Variants in PHACTR2 observed in about 807,000 individuals in gnomAD.
PHACTR2 encodes chromosome 6 open reading frame 56.
PHACTR2 carries 30 observed loss-of-function variants against 76.0 expected under a neutral mutation model. That is an observed-to-expected ratio of 0.39 (90% CI 0.30 to 0.54). The LOEUF (loss-of-function observed/expected upper bound fraction) is 0.54. Among genes scored for constraint, PHACTR2 ranks in the 20% least tolerant of loss-of-function variants. PHACTR2 has a pLI of 0.61. For synonymous variants in PHACTR2, 292 were observed against 292.5 expected (o/e 1.00, Z 0.02); for missense variants, 696 against 781.1 (o/e 0.89, Z 1.30).
In PHACTR2 at chr6:143,550,193, A is replaced by G. The variant is rs546464782; in HGVS notation, c.217+12986A>G. 6.6e-6 allele frequency among the ~76,000 whole-genome samples: 1 copy of G among 152,130 alleles called. No individual in the cohort carries two copies. The highest frequency in any genetic ancestry group is 2.1e-4 in the South Asian group (1 of 4,818). Reference sequence around the variant, plus strand: ...TAGACTTTCTCATACACATTCTAACATAGGAATCACCCGGGGATCTTGTTG... The same window carrying G: ...TAGACTTTCTCATACACATTCTAACGTAGGAATCACCCGGGGATCTTGTTG... On this transcript the variant is annotated intron_variant, in intron 1 of 11. Coordinates refer to the PHACTR2 transcript ENST00000367584. This position sits in a 1 kb window ranked among gnomAD's most constrained non-coding sequence, Gnocchi z 4.8.
In PHACTR2 at chr6:143,646,108, A is replaced by G. The variant is rs1054400206; in HGVS notation, c.13+37786A>G. 6.6e-6 allele frequency among the ~76,000 whole-genome samples: 1 copy of G among 152,172 alleles called. No homozygotes were observed. The highest frequency in any genetic ancestry group is 1.5e-5 in the Non-Finnish European group (1 of 68,014). ...TTTTTAATATTTTACATCAAAATGT[A>G]TATTCTCCAGTCCTTAAACAGGCAT... On this transcript the variant is annotated intron_variant, in intron 1 of 11. Transcript: ENST00000305766. The surrounding 1 kb of genome is among the most constrained non-coding windows in gnomAD (Gnocchi z 4.1).
chr6:143,665,373 A>G (rs769846573), intron 1 of PHACTR2, among the ~76,000 whole-genome samples: 3 of 152,114 alleles, frequency 2.0e-5, no homozygotes, highest in Non-Finnish European at 4.4e-5. Flanking sequence ...TTAGGTATAC[A>G]TTGATTTGTT....
rs527450814 is a variant in PHACTR2, at chr6:143,688,077, T to C, written c.46+9868T>C. Among the ~76,000 whole-genome samples the C allele has an allele frequency of 2.1e-4, 32 of 151,534 alleles. No individual in the cohort carries two copies. Among genetic ancestry groups the C allele is most frequent in the Non-Finnish European group, 3.8e-4 (26 of 67,954 alleles). ...ATATGTAGAGAATTGTAGGACTAGA[T>C]CAGGAGGCAAAACACATAATGGGGA... On this transcript the variant is annotated intron_variant, in intron 1 of 12. Coordinates refer to ENST00000440869, the MANE Select transcript of PHACTR2 (RefSeq NM_001100164.2). This position sits in a 1 kb window ranked among gnomAD's most constrained non-coding sequence, Gnocchi z 5.2.
intron 9 of PHACTR2, among the ~76,000 whole-genome samples, chr6:143,779,896 GTATTTATATTA>G: frequency 8.9e-6 from 1 of 111,952 alleles, no homozygotes; most frequent in Non-Finnish European, 1.8e-5. Flanking sequence ...TTACATATAC[GTATTTATATTA>G]TATTATATTA....
chr6:143,695,017 G>A lies in PHACTR2; in HGVS notation c.46+16808G>A, dbSNP rs759654849. Among the ~76,000 whole-genome samples, 1 of 152,170 alleles carries A rather than the reference G, an allele frequency of 6.6e-6. No individual in the cohort carries two copies. The highest frequency in any genetic ancestry group is 2.4e-5 in the African/African-American group (1 of 41,424). On this transcript the variant is annotated intron_variant, in intron 1 of 12. Transcript: ENST00000440869. The surrounding 1 kb of genome is among the most constrained non-coding windows in gnomAD (Gnocchi z 4.4). ...GAAAAAGGTCCCTCAAGCTGGTTAA[G>A]CACACAAATAAGAATTGGGTGCATC...
At chr6:143,569,463 C>T (rs1395914867) in intron 1 of PHACTR2, among the ~76,000 whole-genome samples, 2 of 152,174 alleles carry the variant, frequency 1.3e-5, no homozygotes, top group African/African-American at 4.8e-5. Context: ...GACAGTGGCA[C>T]AATTGTGTTT....
chr6:143,722,473 A>T lies in PHACTR2; in HGVS notation c.214+10290A>T, dbSNP rs9484802. On this transcript the variant is annotated intron_variant, in intron 2 of 12. Coordinates refer to ENST00000440869, the MANE Select transcript of PHACTR2 (RefSeq NM_001100164.2). The surrounding 1 kb of genome is among the most constrained non-coding windows in gnomAD (Gnocchi z 4.1). ...TCTTGGCATGTCATTTTTTTCTTAA[A>T]TTTTTTTATTTTTAATGAATGCATA... Among the ~76,000 whole-genome samples the T allele has an allele frequency of 0.14, 22,025 of 151,920 alleles. 1,736 individuals are homozygous for T. Among genetic ancestry groups the T allele is most frequent in the African/African-American group, 0.21 (8,497 of 41,424 alleles).
chr6:143,760,492 A>G lies in PHACTR2; in HGVS notation c.546A>G (p.Lys182=). ...PKPRPKPKPK[K]SPVPPKGATA... is the part of the protein sequence containing the mutation. ...CTAGACCCAAACCTAAACCCAAAAAATCACCTGTGCCTCCGAAAGGGGCCA... is the reference window on the plus strand; with the variant it reads ...CTAGACCCAAACCTAAACCCAAAAAGTCACCTGTGCCTCCGAAAGGGGCCA... Residue 182 remains lysine, a synonymous_variant, in exon 5 of 13, where the codon AAA becomes AAG. Transcript: ENST00000440869. This position sits in a 1 kb window ranked among gnomAD's most constrained non-coding sequence, Gnocchi z 6.4. 6.2e-7 allele frequency: 1 copy of G among 1,613,856 alleles called. No individual in the cohort carries two copies. The highest frequency in any genetic ancestry group is 8.5e-7 in the Non-Finnish European group (1 of 1,179,852).
At chr6:143,605,913 T>C (rs571246728), upstream of PHACTR2, among the ~76,000 whole-genome samples, 1 of 152,340 alleles carries the variant, frequency 6.6e-6, no homozygotes, top group South Asian at 2.1e-4. The surrounding 1 kb of genome is among the most constrained non-coding windows in gnomAD (Gnocchi z 5.0). Context: ...GTGTACAATG[T>C]GGGATGATTA....
At position 143,619,515 on chromosome 6, in the gene PHACTR2, G is replaced by A. The variant is rs117439744; in HGVS notation, c.13+11193G>A. ...AAATGCTCTGAAATACCCTACTGAA[G>A]GGTACACAGTGTTGACCTGTACACA... On this transcript the variant is annotated intron_variant, in intron 1 of 11. Transcript: ENST00000305766. The surrounding 1 kb of genome is among the most constrained non-coding windows in gnomAD (Gnocchi z 4.5). Among the ~76,000 whole-genome samples, 100 of 152,324 alleles carry A rather than the reference G, an allele frequency of 6.6e-4. 2 individuals carry two copies. The East Asian group carries it at 0.017, about 26-fold the overall frequency.
At position 143,806,969 on chromosome 6, in the gene PHACTR2, A is replaced by G. The variant is rs1422448933; in HGVS notation, c.1846-88A>G. On this transcript the variant is annotated intron_variant, in intron 11 of 12. Transcript: ENST00000440869. This position sits in a 1 kb window ranked among gnomAD's most constrained non-coding sequence, Gnocchi z 5.8. Reference sequence around the variant, plus strand: ...GAGACTCTATCTCTTAAAAAAAAAAAAAAGGTCTGCTTCATTGATGCTGTA... The same window carrying G: ...GAGACTCTATCTCTTAAAAAAAAAAGAAAGGTCTGCTTCATTGATGCTGTA... 2.0e-5 allele frequency: 13 copies of G among 665,114 alleles called. No individual in the cohort carries two copies. Among genetic ancestry groups the G allele is most frequent in the Non-Finnish European group, 3.3e-5 (13 of 391,324 alleles). The allele number at this position is 665,114 out of a possible 1,614,324, so 41.2% of individuals were successfully genotyped here.
chr6:143,785,564 C>G (rs769867074), intron 10 of PHACTR2, among the ~76,000 whole-genome samples: 4 of 152,206 alleles, frequency 2.6e-5, no homozygotes, highest in Non-Finnish European at 5.9e-5. Context: ...CTAGGCAGTG[C>G]CCCAGTAGGG....
rs1429649274 is a variant in PHACTR2, at chr6:143,743,570, T to C, written c.215-5415T>C. Among the ~76,000 whole-genome samples, 1 of 152,252 alleles carries C rather than the reference T, an allele frequency of 6.6e-6. No individual in the cohort carries two copies. The highest frequency in any genetic ancestry group is 2.4e-5 in the African/African-American group (1 of 41,480). Reference sequence around the variant, plus strand: ...GCATTGAAGCGGTTGTTTCTTTAAATGACTTAGCTCTGCCTTAGTGAAGAT... The same window carrying C: ...GCATTGAAGCGGTTGTTTCTTTAAACGACTTAGCTCTGCCTTAGTGAAGAT... On this transcript the variant is annotated intron_variant, in intron 2 of 12. Coordinates refer to ENST00000440869, the MANE Select transcript of PHACTR2 (RefSeq NM_001100164.2). The surrounding 1 kb of genome is among the most constrained non-coding windows in gnomAD (Gnocchi z 5.0).
chr6:143,604,743 G>C (rs573641031), upstream of PHACTR2, among the ~76,000 whole-genome samples: 2 of 151,822 alleles, frequency 1.3e-5, no homozygotes, highest in African/African-American at 4.8e-5. Flanking sequence ...TAGCCAGGCG[G>C]TGGTGATTAC....
In PHACTR2 at chr6:143,768,590, A is replaced by G. The variant is rs556800522; in HGVS notation, c.1232+2792A>G. On this transcript the variant is annotated intron_variant, in intron 6 of 12. Coordinates refer to ENST00000440869, the MANE Select transcript of PHACTR2 (RefSeq NM_001100164.2). ...GCCTGACTCTATCCCGTTCATTTCCACAAATATTTAAGGAGTTCATTTTAT... is the reference window on the plus strand; with the variant it reads ...GCCTGACTCTATCCCGTTCATTTCCGCAAATATTTAAGGAGTTCATTTTAT... Among the ~76,000 whole-genome samples, 8 of 152,312 alleles carry G rather than the reference A, an allele frequency of 5.3e-5. No homozygotes were observed. The South Asian group carries it at 1.4e-3, about 28-fold the overall frequency.
intron 1 of PHACTR2, among the ~76,000 whole-genome samples, chr6:143,644,154 C>T (rs1776614519): frequency 6.6e-6 from 1 of 152,084 alleles, no homozygotes; most frequent in Admixed American, 6.6e-5. Flanking sequence ...ACACTTTTTC[C>T]ATTGTATTGA....
rs978477787 is a variant in PHACTR2 at position 143,782,924 on chromosome 6, G to A, written c.1646-295G>A. Among the ~76,000 whole-genome samples, 2 of 151,628 alleles carry A rather than the reference G, an allele frequency of 1.3e-5. No homozygotes were observed. The highest frequency in any genetic ancestry group is 4.8e-5 in the African/African-American group (2 of 41,262). On this transcript the variant is annotated intron_variant, in intron 9 of 12. Coordinates refer to ENST00000440869, the MANE Select transcript of PHACTR2 (RefSeq NM_001100164.2). The surrounding 1 kb of genome is among the most constrained non-coding windows in gnomAD (Gnocchi z 4.6). ...TTCATTAGAATATGGGCACTCCTGTGGTTTTTTTAAGAATACAACAAGACA... is the reference window on the plus strand; with the variant it reads ...TTCATTAGAATATGGGCACTCCTGTAGTTTTTTTAAGAATACAACAAGACA...
Position 143,783,411 on chromosome 6 carries a change from C to CTA in PHACTR2, c.1707+131_1707+132insTA. 1.9e-6 allele frequency: 1 copy of CTA among 533,626 alleles called. No individual in the cohort carries two copies. The highest frequency in any genetic ancestry group is 3.3e-6 in the Non-Finnish European group (1 of 300,970). The allele number at this position is 533,626 out of a possible 1,614,324, so 33.1% of individuals were successfully genotyped here. A position where few individuals can be genotyped will look rare whatever the true frequency, so the allele number is the denominator to read the frequency against. ...ATTCCTATTAGTCTATAATCATAGA[C>CTA]ATCAAAATCACAAGCCTGGGCAACA... On this transcript the variant is annotated intron_variant, in intron 10 of 12. Coordinates refer to ENST00000440869, the MANE Select transcript of PHACTR2 (RefSeq NM_001100164.2). This position sits in a 1 kb window ranked among gnomAD's most constrained non-coding sequence, Gnocchi z 5.2.
chr6:143,609,793 C>T (rs1162066865), intron 1 of PHACTR2, among the ~76,000 whole-genome samples: 1 of 151,792 alleles, frequency 6.6e-6, no homozygotes, highest in Non-Finnish European at 1.5e-5. Context: ...TATTTAAAGG[C>T]CATTTAAAAA....
Sources: gnomAD v4.1 joint callset for allele counts (sites outside exome capture counted in the v4.1 genomes callset) on GRCh38, gnomAD v4.1.1 for gene constraint, Gnocchi (gnomAD v3.1) non-coding constraint, MANE v1.5 for transcripts, NCBI Gene and HGNC (gene_info 2026-07-23, HGNC 2026-07-21) for gene names.